The following DLC1 variants were observed in gnomAD, a reference collection of about 807,000 sequenced individuals.
DLC1 encodes rho GTPase-activating protein 7.
A neutral mutation model predicts 140.3 loss-of-function variants in DLC1; 54 were observed. The observed-to-expected ratio is 0.38, with a 90% CI of 0.31 to 0.48. The LOEUF (loss-of-function observed/expected upper bound fraction) is 0.48. DLC1 is among the 20% of genes least tolerant of loss of function. The pLI is 0.96. For synonymous variants in DLC1, 986 were observed against 728.1 expected (o/e 1.35, Z -5.70); for missense variants, 2,536 against 1,907.0 (o/e 1.33, Z -6.14).
intron 5 of DLC1, among the ~76,000 whole-genome samples, chr8:13,196,570 G>A (rs1482237545): frequency 6.6e-6 from 1 of 152,052 alleles, no homozygotes; most frequent in Non-Finnish European, 1.5e-5. Context: ...TGATTCTGTG[G>A]TTCTATGATT....
chr8:13,394,592 G>C (rs775863661), intron 3 of DLC1, among the ~76,000 whole-genome samples: 27 of 152,208 alleles, frequency 1.8e-4, no homozygotes, highest in Non-Finnish European at 2.8e-4. Context: ...GCAAAGGCAC[G>C]TATCACTCTA....
intron 2 of DLC1, among the ~76,000 whole-genome samples, chr8:13,425,249 G>T (rs1443082974): frequency 6.6e-6 from 1 of 152,104 alleles, no homozygotes; most frequent in African/African-American, 2.4e-5. Context: ...AAATCCTCTA[G>T]AAAATTAACC....
chr8:13,370,262 C>T (rs916899895), intron 4 of DLC1, among the ~76,000 whole-genome samples: 1 of 152,114 alleles, frequency 6.6e-6, no homozygotes, highest in South Asian at 2.1e-4. Context: ...ACTATAAGCT[C>T]TAACAAAACA....
At chr8:13,552,221 A>G (rs971116228) in intron 1 of DLC1, among the ~76,000 whole-genome samples, 5 of 145,012 alleles carry the variant, frequency 3.4e-5, no homozygotes, top group African/African-American at 1.3e-4. Flanking sequence ...ATACCTGTCT[A>G]GACAGATATA....
chr8:13,434,933 G>T (rs1313464384), intron 2 of DLC1, among the ~76,000 whole-genome samples: 1 of 152,018 alleles, frequency 6.6e-6, no homozygotes, highest in African/African-American at 2.4e-5. Context: ...ACCCGCCTTG[G>T]CCTCCCAAAA....
At chr8:13,290,578 T>C (rs184717687) in intron 5 of DLC1, among the ~76,000 whole-genome samples, 264 of 152,228 alleles carry the variant, frequency 1.7e-3, no homozygotes, top group African/African-American at 6.1e-3. Flanking sequence ...TTTTATTATA[T>C]AGTAGGGGAA....
chr8:13,580,026 C>G (rs181962250), intron 1 of DLC1, among the ~76,000 whole-genome samples: 4 of 152,280 alleles, frequency 2.6e-5, no homozygotes, highest in Non-Finnish European at 5.9e-5. Context: ...GACACATGCT[C>G]TAGGCTGAGA....
chr8:13,512,102 C>G (rs1802398060), intron 1 of DLC1, among the ~76,000 whole-genome samples: 1 of 151,992 alleles, frequency 6.6e-6, no homozygotes, highest in Admixed American at 6.5e-5. Flanking sequence ...AGGCAGTCAG[C>G]TATAAGGGCC....
intron 3 of DLC1, among the ~76,000 whole-genome samples, chr8:13,398,493 G>A (rs1437554892): frequency 6.6e-6 from 1 of 151,502 alleles, no homozygotes; most frequent in African/African-American, 2.4e-5. Context: ...GGCTGAGTAT[G>A]ATGGCTCATG....
rs572557629 is a variant in DLC1 at position 13,267,775 on chromosome 8, A to G, written c.1348+37494T>C. Among the ~76,000 whole-genome samples, 17 of 142,706 alleles carry G rather than the reference A, an allele frequency of 1.2e-4. No individual in the cohort carries two copies. The East Asian group carries it at 2.1e-3, about 17-fold the overall frequency. The allele number at this position is 142,706 out of a possible 152,430, so 93.6% of individuals were successfully genotyped here. A position where few individuals can be genotyped will look rare whatever the true frequency, so the allele number is the denominator to read the frequency against. On this transcript the variant is annotated intron_variant, in intron 5 of 17. Coordinates refer to ENST00000276297, the MANE Select transcript of DLC1 (RefSeq NM_182643.3). Reference sequence around the variant, plus strand: ...GTGTGTGTGTGTGTGTGTGTGTGCAATTGCCTAGATGTGCTCATTACCTGA... The same window carrying G: ...GTGTGTGTGTGTGTGTGTGTGTGCAGTTGCCTAGATGTGCTCATTACCTGA...
intron 4 of DLC1, among the ~76,000 whole-genome samples, chr8:13,308,530 G>T (rs1832548278): frequency 6.6e-6 from 1 of 152,064 alleles, no homozygotes; most frequent in African/African-American, 2.4e-5. Flanking sequence ...AGAGATGAAT[G>T]GCATTAGAAA....
intron 5 of DLC1, among the ~76,000 whole-genome samples, chr8:13,229,995 G>GCACAGA (rs1035773193): frequency 2.6e-5 from 4 of 152,204 alleles, no homozygotes; most frequent in Non-Finnish European, 2.9e-5. Flanking sequence ...GAAAACAGAT[G>GCACAGA]CACAGACACT....
intron 5 of DLC1, among the ~76,000 whole-genome samples, chr8:13,164,161 G>A (rs1017756241): frequency 2.0e-5 from 3 of 152,262 alleles, no homozygotes; most frequent in Admixed American, 1.3e-4. Flanking sequence ...AGCTGGGTGT[G>A]GTGGCAGGCG....
At chr8:13,275,218 T>A (rs1320117977) in intron 5 of DLC1, among the ~76,000 whole-genome samples, 4 of 152,238 alleles carry the variant, frequency 2.6e-5, no homozygotes, top group Non-Finnish European at 5.9e-5. Flanking sequence ...AACTACCATG[T>A]TATCTTCACA....
chr8:13,562,169 CA>C (rs1262470160), intron 1 of DLC1, among the ~76,000 whole-genome samples: 1 of 151,742 alleles, frequency 6.6e-6, no homozygotes, highest in African/African-American at 2.4e-5. Context: ...AAATAACTAA[CA>C]AAATAAAATA....
chr8:13,411,725 A>C (rs1033516209), intron 2 of DLC1, among the ~76,000 whole-genome samples: 12 of 152,202 alleles, frequency 7.9e-5, no homozygotes, highest in African/African-American at 2.9e-4. Flanking sequence ...AAACAAAATA[A>C]AGAAAATGGA....
intron 1 of DLC1, among the ~76,000 whole-genome samples, chr8:13,585,624 A>T (rs148335685): frequency 1.8e-3 from 277 of 152,304 alleles, no homozygotes; most frequent in Non-Finnish European, 2.6e-3. Flanking sequence ...TTGAGGTATC[A>T]CCAGGGTTTG....
chr8:13,472,098 A>T (rs901969823), intron 2 of DLC1, among the ~76,000 whole-genome samples: 1 of 152,234 alleles, frequency 6.6e-6, no homozygotes, highest in Non-Finnish European at 1.5e-5. Context: ...TTTCTGCTAC[A>T]TGAGGCAGTT....
At chr8:13,341,702 T>A (rs1361268655) in intron 4 of DLC1, 1 of 152,160 alleles carries the variant, frequency 6.6e-6, no homozygotes, top group Non-Finnish European at 1.5e-5. Context: ...AACAGGCAGG[T>A]TCATCCTCCT....
Sources: allele counts gnomAD v4.1 joint callset (sites outside exome capture counted in the v4.1 genomes callset), GRCh38; gene constraint gnomAD v4.1.1; transcripts MANE v1.5; gene names NCBI Gene and HGNC (gene_info 2026-07-23, HGNC 2026-07-21).